Variants in ENTPD1 observed in about 807,000 individuals in gnomAD.
ENTPD1 encodes the protein ectonucleoside triphosphate diphosphohydrolase 1, also known as ATP diphosphohydrolase.
In ENTPD1, 33 loss-of-function variants were observed where a neutral mutation model predicts 57.0. That is an observed-to-expected ratio of 0.58 (90% CI 0.44 to 0.77). The LOEUF is 0.77. Ranked by LOEUF, ENTPD1 falls within the 30% of genes least tolerant of loss-of-function variation. The probability of loss-of-function intolerance (pLI) is 0.00; values close to 1 mark genes in which losing one functional copy is unlikely to be tolerated. For missense variants in ENTPD1, 501 were observed against 603.4 expected (o/e 0.83, Z 1.78); for synonymous variants, 202 against 218.8 (o/e 0.92, Z 0.68).
intron 1 of ENTPD1, among the ~76,000 whole-genome samples, chr10:95,812,509 T>C (rs1163716439): frequency 6.6e-6 from 1 of 152,258 alleles, no homozygotes; most frequent in Non-Finnish European, 1.5e-5. Flanking sequence ...TTGGATTGTT[T>C]TGAGGTTTTG....
chr10:95,819,465 A>C (rs2098341263), intron 1 of ENTPD1, among the ~76,000 whole-genome samples: 1 of 152,084 alleles, frequency 6.6e-6, no homozygotes, highest in South Asian at 2.1e-4. Flanking sequence ...CACCCTGCCG[A>C]GATTAAATAA....
At chr10:95,750,625 A>G (rs1011736079) in intron 1 of ENTPD1, among the ~76,000 whole-genome samples, 1 of 152,188 alleles carries the variant, frequency 6.6e-6, no homozygotes, top group Admixed American at 6.5e-5. Flanking sequence ...CAATGCAAAA[A>G]TGGCCTAACA....
intron 1 of ENTPD1, among the ~76,000 whole-genome samples, chr10:95,793,929 A>G (rs1356998920): frequency 6.6e-6 from 1 of 152,238 alleles, no homozygotes; most frequent in East Asian, 1.9e-4. Flanking sequence ...GATCAGAATG[A>G]TGTCACAGTG....
chr10:95,755,380 G>A (rs3814159), upstream of ENTPD1: 132,930 of 270,644 alleles, frequency 0.49, 33,843 homozygotes, highest in Admixed American at 0.6. Context: ...CAAAGGATTA[G>A]CCCTTGTTTT....
intron 1 of ENTPD1, among the ~76,000 whole-genome samples, chr10:95,767,207 T>G (rs963310514): frequency 4.0e-5 from 6 of 149,416 alleles, no homozygotes; most frequent in African/African-American, 9.9e-5. Flanking sequence ...TCCCAGCTAC[T>G]CGGGAGGCTG....
chr10:95,702,779 A>G, the ENTPD1 span, among the ~76,000 whole-genome samples: 1 of 152,156 alleles, frequency 6.6e-6, no homozygotes, highest in Non-Finnish European at 1.5e-5. Flanking sequence ...CAAAACAGCA[A>G]CAATAACACC....
chr10:95,816,685 C>A (rs536851310), intron 1 of ENTPD1, among the ~76,000 whole-genome samples: 1 of 152,158 alleles, frequency 6.6e-6, no homozygotes, highest in Non-Finnish European at 1.5e-5. Flanking sequence ...TCCTCCAGAA[C>A]CTTCAAAGGG....
chr10:95,734,840 A>C (rs539497241), intron 1 of ENTPD1, among the ~76,000 whole-genome samples: 12 of 152,278 alleles, frequency 7.9e-5, no homozygotes, highest in African/African-American at 2.9e-4. Flanking sequence ...CACAGGGTGA[A>C]GATCCCTTCG....
chr10:95,823,390 G>T (rs1487327299), intron 2 of ENTPD1, 26 bp downstream of exon 2: 9 of 1,613,408 alleles, frequency 5.6e-6, no homozygotes, highest in Middle Eastern at 1.7e-4. Flanking sequence ...CTGTGTGTTT[G>T]TGTGTATGTA....
intron 4 of ENTPD1, among the ~76,000 whole-genome samples, chr10:95,843,881 T>C (rs2098427709): frequency 6.6e-6 from 1 of 152,210 alleles, no homozygotes; most frequent in Non-Finnish European, 1.5e-5. Context: ...TTGCATCCCA[T>C]CTTCATTAAG....
intron 1 of ENTPD1, among the ~76,000 whole-genome samples, chr10:95,808,871 C>T (rs1333063101): frequency 6.6e-6 from 1 of 152,014 alleles, no homozygotes; most frequent in African/African-American, 2.4e-5. Flanking sequence ...GACCCTGCAG[C>T]CTTCCGCAGT....
At chr10:95,805,248 C>T (rs1056462963) in intron 1 of ENTPD1, among the ~76,000 whole-genome samples, 1 of 152,090 alleles carries the variant, frequency 6.6e-6, no homozygotes, top group Non-Finnish European at 1.5e-5. Context: ...ATGTAATGGC[C>T]TTCTTTGTCT....
At chr10:95,797,034 C>T (rs1458109862) in intron 1 of ENTPD1, among the ~76,000 whole-genome samples, 6 of 152,004 alleles carry the variant, frequency 3.9e-5, no homozygotes, top group Non-Finnish European at 8.8e-5. Context: ...AATTATGCCA[C>T]TGCACTCCAG....
intron 1 of ENTPD1, among the ~76,000 whole-genome samples, chr10:95,714,362 G>A (rs1306398452): frequency 1.3e-5 from 2 of 152,056 alleles, no homozygotes; most frequent in Admixed American, 6.6e-5. Context: ...ATAAATAAAC[G>A]TTAAAGTTTG....
intron 2 of ENTPD1, among the ~76,000 whole-genome samples, chr10:95,823,692 A>G (rs538283655): frequency 1.3e-5 from 2 of 152,322 alleles, no homozygotes; most frequent in South Asian, 2.1e-4. Flanking sequence ...ATATTCTAGT[A>G]TATTTCCACT....
intron 1 of ENTPD1, among the ~76,000 whole-genome samples, chr10:95,783,798 T>A (rs1046814393): frequency 2.0e-5 from 3 of 152,038 alleles, no homozygotes; most frequent in Non-Finnish European, 2.9e-5. Flanking sequence ...TTGAATTTAT[T>A]TTTAGGGCAA....
chr10:95,771,217 A>G (rs1445717031), intron 1 of ENTPD1, among the ~76,000 whole-genome samples: 2 of 152,160 alleles, frequency 1.3e-5, no homozygotes, highest in Admixed American at 6.5e-5. Flanking sequence ...CATGTACCAT[A>G]TGTCTATTTA....
At chr10:95,830,885 A>G (rs2098394496) in intron 2 of ENTPD1, among the ~76,000 whole-genome samples, 1 of 152,222 alleles carries the variant, frequency 6.6e-6, no homozygotes, top group Admixed American at 6.5e-5. Flanking sequence ...ATTGAAGACC[A>G]CTGCTTTGAA....
intron 7 of ENTPD1, among the ~76,000 whole-genome samples, chr10:95,851,336 A>G (rs927731897): frequency 1.3e-5 from 2 of 152,070 alleles, no homozygotes; most frequent in East Asian, 3.8e-4. Context: ...GAAAAGTACT[A>G]AATATATAAA....
Sources: gnomAD v4.1 joint callset for allele counts (sites outside exome capture counted in the v4.1 genomes callset) on GRCh38, gnomAD v4.1.1 for gene constraint, MANE v1.5 for transcripts, NCBI Gene and HGNC (gene_info 2026-07-23, HGNC 2026-07-21) for gene names.